The following MMRN2 variants were observed in gnomAD, a reference collection of about 807,000 sequenced individuals.
MMRN2 encodes multimerin 2, also known as multimerin-2.
Under a neutral mutation model 68.8 loss-of-function variants are expected in MMRN2, and 53 were observed. The ratio of observed to expected loss-of-function variants is 0.77; its 90% CI spans 0.62 to 0.97. The LOEUF is 0.97. Ranked by LOEUF, MMRN2 falls within the 50% of genes least tolerant of loss-of-function variation. The pLI is 0.00. For missense variants in MMRN2, 1,266 were observed against 1,259.5 expected (o/e 1.01, Z -0.08); for synonymous variants, 564 against 551.6 (o/e 1.02, Z -0.32).
Position 86,942,649 on chromosome 10 carries a change from C to T in MMRN2, c.2135G>A (p.Gly712Glu). ...CCCGGCCTCGGCCTCGCAGCACCGC[C>T]CGACATTCTTGACGTCGTTGCTCAG... ...QSLSNDVKNV[G>E]RCCEAEAGAG... Residue 712 changes from glycine to glutamate, a missense_variant, in exon 6 of 7, where the codon GGG becomes GAG. Gly to Glu is a moderately conservative substitution (Grantham distance 98). Transcript: ENST00000372027. The T allele has an allele frequency of 6.3e-7, 1 of 1,598,208 alleles. No homozygotes were observed.
At chr10:86,945,794 A>T in intron 1 of MMRN2, 105 bp from the exon 2 acceptor site, 13 of 1,572,320 alleles carry the variant, frequency 8.3e-6, no homozygotes, top group Non-Finnish European at 1.0e-5. Context: ...CAGTGCTGGG[A>T]TTCTGGAATC....
Position 86,942,450 on chromosome 10 carries a change from G to T in MMRN2, c.2334C>A (p.Ser778Arg), listed in dbSNP as rs374818538. Reference protein sequence around the residue: ...LDLGKLQTMLSRKGKKQQKDL... With the variant: ...LDLGKLQTMLRRKGKKQQKDL... ...CTTTCTGCTGCTTCTTCCCTTTCCT[G>T]CTCAGCATGGTCTGCAGCTTCCCCA... The change falls in exon 6 of 7, where the codon AGC becomes AGA. Residue 778 changes from serine to arginine, a missense_variant. Transcript: ENST00000372027. The T allele has an allele frequency of 4.3e-6, 7 of 1,614,010 alleles. No individual in the cohort carries two copies. Among genetic ancestry groups the T allele is most frequent in the Admixed American group, 1.7e-5 (1 of 60,014 alleles).
At chr10:86,941,533 C>A (rs926578755) in intron 6 of MMRN2, among the ~76,000 whole-genome samples, 2 of 152,098 alleles carry the variant, frequency 1.3e-5, no homozygotes, top group Non-Finnish European at 2.9e-5. Flanking sequence ...GCACATGGCT[C>A]ACACCTGTAA....
chr10:86,936,212 G>A lies in MMRN2; in HGVS notation c.*531C>T, dbSNP rs763165729. ...CTTTCCCTTGGTTGGCCAGGCTGTC[G>A]TCTTCATTACTGACTAATAGAGACC... is the stretch of plus-strand genomic sequence containing the variant. On this transcript the variant is annotated 3_prime_UTR_variant, in exon 7 of 7. Coordinates refer to ENST00000372027, the MANE Select transcript of MMRN2 (RefSeq NM_024756.3). The A allele has an allele frequency of 1.2e-4, 48 of 395,130 alleles. No individual in the cohort carries two copies. The highest frequency in any genetic ancestry group is 2.8e-4 in the South Asian group (2 of 7,048). 24.5% of individuals were successfully genotyped at this position (395,130 alleles called of 1,614,324 possible).
chr10:86,948,915 C>T (rs1381473615), intron 1 of MMRN2: 4 of 152,176 alleles, frequency 2.6e-5, no homozygotes, highest in African/African-American at 9.7e-5. Context: ...ATGATTGCGC[C>T]ACTGGACTCC....
At position 86,944,436 on chromosome 10, in the gene MMRN2, C is replaced by G; in HGVS notation, c.482-1G>C. 1 of 1,613,436 alleles carries G rather than the reference C, an allele frequency of 6.2e-7. No homozygotes were observed. Among genetic ancestry groups the G allele is most frequent in the Non-Finnish European group, 8.5e-7 (1 of 1,179,976 alleles). ...TCATTGATCACTGCAGCAAGGTGGC[C>G]TAAATACACAGCAGACATAAATGTC... On this transcript the variant is annotated splice_acceptor_variant, in intron 4 of 6. Coordinates refer to ENST00000372027, the MANE Select transcript of MMRN2 (RefSeq NM_024756.3). LOFTEE classifies it high-confidence loss of function.
In MMRN2 at chr10:86,944,198, G is replaced by A. The variant is rs1844032113; in HGVS notation, c.655+64C>T. The stretch of plus-strand genomic sequence containing the variant: ...ACTCCTCCCAGGCTGGGACCAGCGG[G>A]GTCCTCCCCTCCTCCCCTCAATGTG... On this transcript the variant is annotated intron_variant, in intron 5 of 6. Coordinates refer to ENST00000372027, the MANE Select transcript of MMRN2 (RefSeq NM_024756.3). The A allele has an allele frequency of 3.1e-6, 5 of 1,591,392 alleles. No homozygotes were observed. In the Admixed American group the frequency reaches 8.5e-5, roughly 27 times the overall value.
chr10:86,943,766 G>A lies in MMRN2; in HGVS notation c.1018C>T (p.Leu340=), dbSNP rs1391584329. 1 of 1,608,334 alleles carries A rather than the reference G, an allele frequency of 6.2e-7. No homozygotes were observed. The change falls in exon 6 of 7, where the codon CTG becomes TTG. Residue 340 remains leucine (L), a synonymous_variant. Coordinates refer to ENST00000372027, the MANE Select transcript of MMRN2 (RefSeq NM_024756.3). The surrounding 1 kb of genome is among the most constrained non-coding windows in gnomAD (Gnocchi z 4.2). Reference sequence around the variant, plus strand: ...CCTGGGGCCTCCTGAGCCTTGTGCAGCCTCTTCAATTTGGTGTCCACATCG... The same window carrying A: ...CCTGGGGCCTCCTGAGCCTTGTGCAACCTCTTCAATTTGGTGTCCACATCG... ...QADVDTKLKR[L]HKAQEAPGTN...
In MMRN2 at chr10:86,943,442, C is replaced by T. The variant is rs748531029; in HGVS notation, c.1342G>A (p.Val448Met). 1.2e-6 allele frequency: 2 copies of T among 1,614,196 alleles called. No homozygotes were observed. The highest frequency in any genetic ancestry group is 1.1e-5 in the South Asian group (1 of 91,090). Residue 448 changes from valine (V) to methionine (M), a missense_variant, in exon 6 of 7, where the codon GTG (valine) becomes ATG (methionine). Transcript: ENST00000372027. This position sits in a 1 kb window ranked among gnomAD's most constrained non-coding sequence, Gnocchi z 4.2. ...ATCAGAGACTTCTCCATCAGGATCA[C>T]GCGCAGCTCACGGAGCGCCGTGTGG... ...VNHTALRELR[V>M]ILMEKSLIME...
At position 86,942,400 on chromosome 10, in the gene MMRN2, T is replaced by A; in HGVS notation, c.2384A>T (p.Asp795Val). The change falls in exon 6 of 7, where the codon GAC becomes GTC. Residue 795 changes from aspartate to valine, a missense_variant. Transcript: ENST00000372027. ...CACCAAAGGCTCCGCTTCCTTCTTG[T>A]CCCTCTTCCGGGGAGCTTCCAGGTC... is the stretch of plus-strand genomic sequence containing the variant. Reference protein sequence around the residue: ...QKDLEAPRKRDKKEAEPLVDI... With the variant: ...QKDLEAPRKRVKKEAEPLVDI... The A allele has an allele frequency of 6.2e-7, 1 of 1,614,198 alleles. No individual in the cohort carries two copies. Among genetic ancestry groups the A allele is most frequent in the South Asian group, 1.1e-5 (1 of 91,078 alleles).
chr10:86,937,252 G>T, intron 6 of MMRN2, 127 bp from the exon 7 acceptor site: 2 of 1,034,434 alleles, frequency 1.9e-6, no homozygotes, highest in Admixed American at 2.8e-5. Context: ...AGATAACCTA[G>T]ATATTCCCAA....
chr10:86,952,201 C>G (rs1333922524), intron 1 of MMRN2, among the ~76,000 whole-genome samples: 1 of 152,168 alleles, frequency 6.6e-6, no homozygotes, highest in African/African-American at 2.4e-5. Context: ...GGGGCCAGTG[C>G]ATCTCCAAGG....
At chr10:86,949,470 G>A (rs774588384) in intron 1 of MMRN2, 3 of 151,726 alleles carry the variant, frequency 2.0e-5, no homozygotes, top group Non-Finnish European at 2.9e-5. Flanking sequence ...ACTGAGGTGG[G>A]AGAACTGCTT....
chr10:86,944,126 A>C lies in MMRN2; in HGVS notation c.658T>G (p.Phe220Val). Residue 220 changes from phenylalanine to valine, a missense_variant and splice_region_variant, in exon 6 of 7, where the codon TTC becomes GTC. By Grantham distance (50) the Phe-to-Val change is conservative. Coordinates refer to ENST00000372027, the MANE Select transcript of MMRN2 (RefSeq NM_024756.3). ...ACCTGCTCCAAGGATCTATCAGGGA[A>C]CTCTGCAACAGACATGTGGTGTGAC... is the stretch of plus-strand genomic sequence containing the variant. ...VMEANQTGHEFPDRSLEQVLL... is the reference protein window; with the variant it reads ...VMEANQTGHEVPDRSLEQVLL... 1 of 1,612,792 alleles carries C rather than the reference A, an allele frequency of 6.2e-7. No individual in the cohort carries two copies.
chr10:86,944,067 C>A lies in MMRN2; in HGVS notation c.717G>T (p.Val239=). The change falls in exon 6 of 7, where the codon GTG becomes GTT. Residue 239 remains valine, a synonymous_variant. Transcript: ENST00000372027. ...LLPHVDTFLQ[V]HFSPIWRSFN... Reference sequence around the variant, plus strand: ...AGCTCCTCCAGATGGGGCTGAAATGCACTTGTAGGAAGGTGTCCACGTGGG... The same window carrying A: ...AGCTCCTCCAGATGGGGCTGAAATGAACTTGTAGGAAGGTGTCCACGTGGG... 1 of 1,614,138 alleles carries A rather than the reference C, an allele frequency of 6.2e-7. No homozygotes were observed.
At position 86,943,917 on chromosome 10, in the gene MMRN2, A is replaced by G; in HGVS notation, c.867T>C (p.Leu289=). 1 of 1,614,068 alleles carries G rather than the reference A, an allele frequency of 6.2e-7. No homozygotes were observed. Among genetic ancestry groups the G allele is most frequent in the South Asian group, 1.1e-5 (1 of 91,086 alleles). Residue 289 remains leucine, a synonymous_variant, in exon 6 of 7, where the codon CTT becomes CTC. Coordinates refer to ENST00000372027, the MANE Select transcript of MMRN2 (RefSeq NM_024756.3). The surrounding 1 kb of genome is among the most constrained non-coding windows in gnomAD (Gnocchi z 4.2). Reference sequence around the variant, plus strand: ...GGACCTTGGCCTCAAATTTGGCACCAAGCTCCTGGAAGTCAGCCCTGGCCA... The same window carrying G: ...GGACCTTGGCCTCAAATTTGGCACCGAGCTCCTGGAAGTCAGCCCTGGCCA... ...SAVARADFQE[L]GAKFEAKVQE...
In MMRN2 at chr10:86,942,761, C is replaced by G; in HGVS notation, c.2023G>C (p.Ala675Pro). The part of the protein sequence containing the change: ...LEQASEPPRP[A>P]EHLEPSHDAG... The stretch of plus-strand genomic sequence containing the variant: ...TCGTGGCTGGGCTCCAGGTGCTCTG[C>G]CGGCCGCGGGGGCTCCGAGGCCTGC... Residue 675 changes from alanine to proline, a missense_variant, in exon 6 of 7, where the codon GCA becomes CCA. Ala to Pro is a conservative substitution (Grantham distance 27, BLOSUM62 -1). Transcript: ENST00000372027. 7.3e-7 allele frequency: 1 copy of G among 1,377,222 alleles called. No individual in the cohort carries two copies. The highest frequency in any genetic ancestry group is 1.7e-5 in the South Asian group (1 of 60,136). 85.3% of individuals were successfully genotyped at this position (1,377,222 alleles called of 1,614,324 possible).
In MMRN2 at chr10:86,946,080, C is replaced by T. The variant is rs146664048; in HGVS notation, c.165-391G>A. 3.1e-4 allele frequency among the ~76,000 whole-genome samples: 47 copies of T among 152,324 alleles called. No homozygotes were observed. The East Asian group carries it at 8.5e-3, about 27-fold the overall frequency. On this transcript the variant is annotated intron_variant, in intron 1 of 6. Coordinates refer to ENST00000372027, the MANE Select transcript of MMRN2 (RefSeq NM_024756.3). The stretch of plus-strand genomic sequence containing the variant: ...ATGGATTCCCTTTGGTGAGGTTAGC[C>T]ACAGAGCCAGAAAGCTCTCGCTGTT...
At chr10:86,941,601 C>T (rs1843967409) in intron 6 of MMRN2, among the ~76,000 whole-genome samples, 1 of 151,664 alleles carries the variant, frequency 6.6e-6, no homozygotes, top group Admixed American at 6.6e-5. Context: ...AATTTGAGAC[C>T]AGCCTGGGCA....
Sources: allele counts gnomAD v4.1 joint callset (sites outside exome capture counted in the v4.1 genomes callset), GRCh38; gene constraint gnomAD v4.1.1; non-coding constraint Gnocchi (gnomAD v3.1); transcripts MANE v1.5; gene names NCBI Gene and HGNC (gene_info 2026-07-23, HGNC 2026-07-21).